Variants in HIF1A observed in about 807,000 individuals in gnomAD.
The protein encoded by HIF1A is hypoxia-inducible factor 1-alpha.
A neutral mutation model predicts 92.7 loss-of-function variants in HIF1A; 24 were observed. The observed-to-expected ratio is 0.26, with a 90% CI of 0.19 to 0.36. The LOEUF (loss-of-function observed/expected upper bound fraction) is 0.36, where lower values mean the gene tolerates loss of function less well. HIF1A is among the 10% of genes least tolerant of loss of function. HIF1A has a pLI of 1.00. For missense variants in HIF1A, 799 were observed against 998.5 expected (o/e 0.80, Z 2.69); for synonymous variants, 319 against 338.7 (o/e 0.94, Z 0.64).
chr14:61,711,603 T>A lies in HIF1A; in HGVS notation c.36-8779T>A, dbSNP rs183023138. 7.9e-5 allele frequency among the ~76,000 whole-genome samples: 12 copies of A among 152,316 alleles called. No homozygotes were observed. In the East Asian group the frequency reaches 2.1e-3, roughly 27 times the overall value. ...TTTGCCTTGGTTTATGGTGATACTC[T>A]TCATTGTTATACTGGTGGGTGATTG... is the stretch of plus-strand genomic sequence containing the variant. On this transcript the variant is annotated intron_variant, in intron 1 of 14. Coordinates refer to ENST00000337138, the MANE Select transcript of HIF1A (RefSeq NM_001530.4).
chr14:61,711,270 T>C (rs939042559), intron 1 of HIF1A, among the ~76,000 whole-genome samples: 3 of 128,292 alleles, frequency 2.3e-5, no homozygotes, highest in Admixed American at 1.9e-4. Flanking sequence ...AGTGGCACAA[T>C]CACAGCTCAC....
At chr14:61,741,426 C>T (rs2044711081) in intron 12 of HIF1A, among the ~76,000 whole-genome samples, 1 of 148,198 alleles carries the variant, frequency 6.7e-6, no homozygotes, top group Non-Finnish European at 1.5e-5. Context: ...AATGGCATGG[C>T]ACCATCTCAG....
In HIF1A at chr14:61,736,955, A is replaced by G. The variant is rs556492000; in HGVS notation, c.1095A>G (p.Glu365=). The part of the protein sequence containing the change: ...QQTECVLKPV[E]SSDMKMTQLF... ...CAGAATGTGTCCTTAAACCGGTTGA[A>G]TCTTCAGATATGAAAATGACTCAGC... The change falls in exon 9 of 15, where the codon GAA becomes GAG. Residue 365 remains glutamate (E), a synonymous_variant. Transcript: ENST00000337138. 1.2e-6 allele frequency: 2 copies of G among 1,614,126 alleles called. No individual in the cohort carries two copies. Among genetic ancestry groups the G allele is most frequent in the Admixed American group, 1.7e-5 (1 of 60,020 alleles).
At chr14:61,699,195 G>A (rs1368755056) in intron 1 of HIF1A, among the ~76,000 whole-genome samples, 1 of 152,116 alleles carries the variant, frequency 6.6e-6, no homozygotes, top group South Asian at 2.1e-4. Context: ...TCTTCCACAC[G>A]TGTGTATTTA....
intron 13 of HIF1A, chr14:61,745,447 T>G: frequency 2.1e-6 from 1 of 476,066 alleles, no homozygotes; most frequent in Non-Finnish European, 3.8e-6. Flanking sequence ...ACTGCTATGT[T>G]TTGGGGTAAG....
At chr14:61,735,164 AT>A (rs2140150489) in intron 8 of HIF1A, among the ~76,000 whole-genome samples, 1 of 152,196 alleles carries the variant, frequency 6.6e-6, no homozygotes, top group Non-Finnish European at 1.5e-5. Context: ...TCATCATCTT[AT>A]TTTCCTTAGA....
chr14:61,711,201 G>A (rs2044303036), intron 1 of HIF1A, among the ~76,000 whole-genome samples: 1 of 137,508 alleles, frequency 7.3e-6, no homozygotes, highest in Non-Finnish European at 1.5e-5. Flanking sequence ...AGATGTTTAA[G>A]TATTCCTTTT....
In HIF1A at chr14:61,726,734, C is replaced by A. The variant is rs748707979; in HGVS notation, c.486C>A (p.Asn162Lys). 1 of 1,607,826 alleles carries A rather than the reference C, an allele frequency of 6.2e-7. No individual in the cohort carries two copies. The highest frequency in any genetic ancestry group is 1.1e-5 in the South Asian group (1 of 89,598). The stretch of plus-strand genomic sequence containing the variant: ...TTGTGAAAAAGGGTAAAGAACAAAA[C>A]ACACAGCGAAGCTTTTTTCTCAGAA... ...NGLVKKGKEQ[N>K]TQRSFFLRMK... is the part of the protein sequence containing the mutation. The change falls in exon 5 of 15, where the codon AAC becomes AAA. Residue 162 changes from asparagine (N) to lysine (K), a missense_variant. Coordinates refer to ENST00000337138, the MANE Select transcript of HIF1A (RefSeq NM_001530.4).
intron 12 of HIF1A, among the ~76,000 whole-genome samples, chr14:61,741,527 G>A (rs1304842662): frequency 1.3e-5 from 2 of 151,590 alleles, no homozygotes; most frequent in Non-Finnish European, 2.9e-5. Context: ...CACCACGCCC[G>A]GCTGATTTTT....
At position 61,740,770 on chromosome 14, in the gene HIF1A, T is replaced by C. The variant is rs774093105; in HGVS notation, c.1675T>C (p.Leu559=). Residue 559 remains leucine, a synonymous_variant, in exon 12 of 15, where the codon TTG becomes CTG. Coordinates refer to ENST00000337138, the MANE Select transcript of HIF1A (RefSeq NM_001530.4). ...PFSTQDTDLD[L]EMLAPYIPMD... ...TGTTTTAAAGGACACAGATTTAGAC[T>C]TGGAGATGTTAGCTCCCTATATCCC... 2 of 1,612,476 alleles carry C rather than the reference T, an allele frequency of 1.2e-6. No individual in the cohort carries two copies. Among genetic ancestry groups the C allele is most frequent in the South Asian group, 1.1e-5 (1 of 90,850 alleles).
rs1042773566 is a variant in HIF1A, at chr14:61,720,391, T to C, written c.45T>C (p.Ser15=). Residue 15 remains serine, a synonymous_variant, in exon 2 of 15, where the codon TCT becomes TCC. Coordinates refer to ENST00000337138, the MANE Select transcript of HIF1A (RefSeq NM_001530.4). ...TGTTGTTGTTAAGTAGGATAAGTTC[T>C]GAACGTCGAAAAGAAAAGTCTCGAG... is the stretch of plus-strand genomic sequence containing the variant. ...GGANDKKKIS[S]ERRKEKSRDA... is the part of the protein sequence containing the mutation. 11 of 1,611,226 alleles carry C rather than the reference T, an allele frequency of 6.8e-6. No homozygotes were observed. Among genetic ancestry groups the C allele is most frequent in the Non-Finnish European group, 8.5e-6 (10 of 1,178,968 alleles).
At chr14:61,712,616 A>G (rs2044320739) in intron 1 of HIF1A, among the ~76,000 whole-genome samples, 1 of 149,122 alleles carries the variant, frequency 6.7e-6, no homozygotes, top group South Asian at 2.2e-4. Context: ...ATGCATATCC[A>G]GATAATTGTA....
intron 4 of HIF1A, among the ~76,000 whole-genome samples, chr14:61,722,079 C>T (rs892714207): frequency 9.9e-5 from 13 of 130,864 alleles, no homozygotes; most frequent in Non-Finnish European, 2.0e-4. Flanking sequence ...AAGAGAGTTA[C>T]AAATAACTTT....
chr14:61,734,486 G>C (rs374980653), intron 8 of HIF1A, among the ~76,000 whole-genome samples: 1 of 152,090 alleles, frequency 6.6e-6, no homozygotes, highest in Non-Finnish European at 1.5e-5. Context: ...AACACTGTCA[G>C]TAGTTGTCTA....
intron 5 of HIF1A, 133 bp from the exon 6 acceptor site, chr14:61,727,320 C>T (rs182969705): frequency 8.1e-5 from 53 of 654,014 alleles, no homozygotes; most frequent in Admixed American, 5.0e-4. Context: ...TTTTCAAAAA[C>T]GTGATTAATC....
At chr14:61,738,750 GTGTTT>G (rs563059775) in intron 10 of HIF1A, among the ~76,000 whole-genome samples, 1 of 152,044 alleles carries the variant, frequency 6.6e-6, no homozygotes, top group African/African-American at 2.4e-5. Flanking sequence ...TTGTTTTATT[GTGTTT>G]TGTTTTGTTT....
At chr14:61,709,743 T>C (rs2044285371) in intron 1 of HIF1A, among the ~76,000 whole-genome samples, 1 of 152,204 alleles carries the variant, frequency 6.6e-6, no homozygotes, top group South Asian at 2.1e-4. Flanking sequence ...ATACAGAATT[T>C]TCAAAATTTG....
At chr14:61,729,355 G>A (rs1414086719) in intron 6 of HIF1A, among the ~76,000 whole-genome samples, 2 of 151,946 alleles carry the variant, frequency 1.3e-5, no homozygotes, top group African/African-American at 2.4e-5. Flanking sequence ...CCAGCTACTT[G>A]GGAGGCTGAG....
chr14:61,732,110 A>AT (rs1160867159), intron 6 of HIF1A, among the ~76,000 whole-genome samples: 2 of 152,226 alleles, frequency 1.3e-5, no homozygotes, highest in Non-Finnish European at 2.9e-5. Flanking sequence ...TGTGCTCTCC[A>AT]GCCTGAGCAA....
Sources: gnomAD v4.1 joint callset for allele counts (sites outside exome capture counted in the v4.1 genomes callset) on GRCh38, gnomAD v4.1.1 for gene constraint, MANE v1.5 for transcripts, NCBI Gene and HGNC (gene_info 2026-07-23, HGNC 2026-07-21) for gene names.